The following MAP3K4 variants were observed in gnomAD, a reference collection of about 807,000 sequenced individuals.
MAP3K4 encodes mitogen-activated protein kinase kinase kinase 4.
MAP3K4 carries 67 observed loss-of-function variants against 185.6 expected under a neutral mutation model. The ratio of observed to expected loss-of-function variants is 0.36; its 90% CI spans 0.30 to 0.44. The LOEUF (loss-of-function observed/expected upper bound fraction) is 0.44, where lower values mean the gene tolerates loss of function less well. Ranked by LOEUF, MAP3K4 falls within the 20% of genes least tolerant of loss-of-function variation. The pLI is 1.00. For synonymous variants in MAP3K4, 702 were observed against 710.4 expected, an observed-to-expected ratio of 0.99 and a Z score of 0.19; for missense variants, 1,551 against 1,995.1, an observed-to-expected ratio of 0.78 and a Z score of 4.24.
intron 1 of MAP3K4, among the ~76,000 whole-genome samples, chr6:161,026,200 G>A (rs112617522): frequency 2.3e-3 from 349 of 151,916 alleles, no homozygotes; most frequent in Non-Finnish European, 3.9e-3. Context: ...GCGCGATCTC[G>A]GCTCACTGCA....
At position 161,086,190 on chromosome 6, in the gene MAP3K4, A is replaced by G. The variant is rs963814510; in HGVS notation, c.2373-189A>G. ...TGAAAGGATATGAATATTTTCTACA[A>G]AACTGTCAGGAGCAGGCTTCTGAAT... On this transcript the variant is annotated intron_variant, in intron 7 of 26. Coordinates refer to ENST00000392142, the MANE Select transcript of MAP3K4 (RefSeq NM_005922.4). The surrounding 1 kb of genome is among the most constrained non-coding windows in gnomAD (Gnocchi z 4.8). 1.3e-5 allele frequency among the ~76,000 whole-genome samples: 2 copies of G among 152,226 alleles called. No individual in the cohort carries two copies. Among genetic ancestry groups the G allele is most frequent in the Non-Finnish European group, 2.9e-5 (2 of 68,046 alleles).
chr6:161,002,138 G>A (rs2115050613), intron 1 of MAP3K4, among the ~76,000 whole-genome samples: 1 of 146,854 alleles, frequency 6.8e-6, no homozygotes, highest in East Asian at 2.0e-4. Context: ...TATTCCTACA[G>A]GTGTTTGGAA....
At chr6:161,030,355 A>G (rs1462410314) in intron 1 of MAP3K4, among the ~76,000 whole-genome samples, 1 of 152,012 alleles carries the variant, frequency 6.6e-6, no homozygotes, top group Non-Finnish European at 1.5e-5. Flanking sequence ...TATCATTATA[A>G]TGTCTACTTG....
chr6:161,025,749 C>T (rs939861121), intron 1 of MAP3K4, among the ~76,000 whole-genome samples: 1 of 152,100 alleles, frequency 6.6e-6, no homozygotes, highest in Non-Finnish European at 1.5e-5. Flanking sequence ...GGTAGAAGAT[C>T]GTAATTCATT....
Position 161,007,214 on chromosome 6 carries a change from A to C in MAP3K4, c.152+15131A>C, listed in dbSNP as rs2115064708. 6.6e-6 allele frequency among the ~76,000 whole-genome samples: 1 copy of C among 152,320 alleles called. No individual in the cohort carries two copies. The highest frequency in any genetic ancestry group is 3.4e-3 in the Middle Eastern group (1 of 294). On this transcript the variant is annotated intron_variant, in intron 1 of 26. Coordinates refer to ENST00000392142, the MANE Select transcript of MAP3K4 (RefSeq NM_005922.4). This position sits in a 1 kb window ranked among gnomAD's most constrained non-coding sequence, Gnocchi z 4.5. ...ACAGGGATCTGAAGGCAAGGTCTTC[A>C]TCCTGCTTGAGTCCTGGCATCAAAA...
intron 1 of MAP3K4, among the ~76,000 whole-genome samples, chr6:161,029,155 A>G (rs1409108505): frequency 6.6e-6 from 1 of 152,122 alleles, no homozygotes; most frequent in Non-Finnish European, 1.5e-5. Context: ...AGAGAACTTC[A>G]TACAGATGAA....
At position 161,114,351 on chromosome 6, in the gene MAP3K4, T is replaced by C. The variant is rs574461118; in HGVS notation, c.4627-772T>C. ...TATTATAGCAAAAAAGTTAGAAACC[T>C]TCATTTCTAAGTTAAAAGTTAGTGT... On this transcript the variant is annotated intron_variant, in intron 25 of 26. Transcript: ENST00000392142. The surrounding 1 kb of genome is among the most constrained non-coding windows in gnomAD (Gnocchi z 4.3). Among the ~76,000 whole-genome samples the C allele has an allele frequency of 7.9e-5, 12 of 152,224 alleles. No homozygotes were observed. The highest frequency in any genetic ancestry group is 1.8e-4 in the Non-Finnish European group (12 of 68,030).
chr6:161,026,085 G>A (rs1451533111), intron 1 of MAP3K4, among the ~76,000 whole-genome samples: 1 of 152,024 alleles, frequency 6.6e-6, no homozygotes, highest in Admixed American at 6.5e-5. Context: ...TCCCACCTGT[G>A]CTCCCTGCTG....
chr6:160,995,076 TC>T, intron 1 of MAP3K4, among the ~76,000 whole-genome samples: 1 of 152,248 alleles, frequency 6.6e-6, no homozygotes, highest in East Asian at 1.9e-4. Flanking sequence ...GTATAAGAGT[TC>T]CCTTCTCACC....
chr6:161,079,643 T>A (rs1215937778), intron 5 of MAP3K4, among the ~76,000 whole-genome samples: 1 of 152,098 alleles, frequency 6.6e-6, no homozygotes, highest in East Asian at 1.9e-4. Flanking sequence ...GAAGCTGTCC[T>A]CAGGAAGGAA....
intron 6 of MAP3K4, among the ~76,000 whole-genome samples, chr6:161,083,786 G>C (rs1011930283): frequency 6.6e-6 from 1 of 152,180 alleles, no homozygotes; most frequent in African/African-American, 2.4e-5. Flanking sequence ...GCCCATTGCA[G>C]GGCTTTCTGG....
chr6:161,003,993 AAAAG>A (rs1485148270), intron 1 of MAP3K4, among the ~76,000 whole-genome samples: 2 of 152,092 alleles, frequency 1.3e-5, no homozygotes, highest in Admixed American at 6.5e-5. Context: ...ATTACTGAGA[AAAAG>A]AAGTTTAGAT....
In MAP3K4 at chr6:161,116,752, T is replaced by G. The variant is rs1778604014; in HGVS notation, c.4807-98T>G. ...CAGTACAGTGCTGGGAGCATCAGGA[T>G]GAGTGGATGGGGCCTTCCCCGTAAG... is the stretch of plus-strand genomic sequence containing the variant. On this transcript the variant is annotated intron_variant, in intron 26 of 26. Transcript: ENST00000392142. The surrounding 1 kb of genome is among the most constrained non-coding windows in gnomAD (Gnocchi z 6.2). 1 of 1,008,660 alleles carries G rather than the reference T, an allele frequency of 9.9e-7. No individual in the cohort carries two copies. The highest frequency in any genetic ancestry group is 1.8e-5 in the Admixed American group (1 of 56,972). 62.5% of individuals were successfully genotyped at this position (1,008,660 alleles called of 1,614,324 possible). A position where few individuals can be genotyped will look rare whatever the true frequency, so the allele number is the denominator to read the frequency against.
Position 161,007,572 on chromosome 6 carries a change from A to G in MAP3K4, c.152+15489A>G, listed in dbSNP as rs1452838376. Among the ~76,000 whole-genome samples, 1 of 152,172 alleles carries G rather than the reference A, an allele frequency of 6.6e-6. No individual in the cohort carries two copies. Among genetic ancestry groups the G allele is most frequent in the Admixed American group, 6.5e-5 (1 of 15,274 alleles). On this transcript the variant is annotated intron_variant, in intron 1 of 26. Coordinates refer to ENST00000392142, the MANE Select transcript of MAP3K4 (RefSeq NM_005922.4). This position sits in a 1 kb window ranked among gnomAD's most constrained non-coding sequence, Gnocchi z 4.5. ...ACTCATTCTGTCCTTTATAACATAG[A>G]ATATTTTCATTTGTATTAAATAGTT...
At chr6:161,009,820 A>T (rs570076907) in intron 1 of MAP3K4, among the ~76,000 whole-genome samples, 2 of 152,272 alleles carry the variant, frequency 1.3e-5, no homozygotes, top group African/African-American at 4.8e-5. Flanking sequence ...TCCTGAGAAC[A>T]CATGGACACA....
intron 1 of MAP3K4, among the ~76,000 whole-genome samples, chr6:161,031,860 T>C (rs777145593): frequency 2.3e-4 from 35 of 152,240 alleles, no homozygotes; most frequent in Non-Finnish European, 4.4e-4. Context: ...GGCTGAGACA[T>C]GGCCTTAGCT....
chr6:161,044,026 G>A (rs1583158825), intron 2 of MAP3K4, among the ~76,000 whole-genome samples: 1 of 152,304 alleles, frequency 6.6e-6, no homozygotes, highest in Middle Eastern at 3.4e-3. Flanking sequence ...TCCGTCAGAT[G>A]AACCATATTG....
rs1174323660 is a variant in MAP3K4, at chr6:161,112,218, T to C, written c.4519+260T>C. ...CAGAACAACTCTTTTGTTGTTTGCA[T>C]TGTTTTTCTTAAAACTTAAAAAATG... On this transcript the variant is annotated intron_variant, in intron 24 of 26. Transcript: ENST00000392142. The surrounding 1 kb of genome is among the most constrained non-coding windows in gnomAD (Gnocchi z 5.1). 1.3e-5 allele frequency among the ~76,000 whole-genome samples: 2 copies of C among 152,198 alleles called. No individual in the cohort carries two copies. The highest frequency in any genetic ancestry group is 4.8e-5 in the African/African-American group (2 of 41,446).
chr6:161,078,412 G>A (rs906492718), intron 5 of MAP3K4, among the ~76,000 whole-genome samples: 15 of 152,200 alleles, frequency 9.9e-5, no homozygotes, highest in African/African-American at 3.6e-4. Flanking sequence ...CAGTTGAAAG[G>A]ATAAGCCCAT....
Sources: allele counts gnomAD v4.1 joint callset (sites outside exome capture counted in the v4.1 genomes callset), GRCh38; gene constraint gnomAD v4.1.1; non-coding constraint Gnocchi (gnomAD v3.1); transcripts MANE v1.5; gene names NCBI Gene and HGNC (gene_info 2026-07-23, HGNC 2026-07-21).